CCDC40: variants seen among roughly 807,000 people sequenced by gnomAD.
CCDC40 encodes the protein coiled-coil domain-containing protein 40.
In CCDC40, 104 loss-of-function variants were observed where a neutral mutation model predicts 124.5. That is an observed-to-expected ratio of 0.84 (90% CI 0.71 to 0.98). The LOEUF is 0.98. Ranked by LOEUF, CCDC40 falls within the 50% of genes least tolerant of loss-of-function variation. The pLI is 0.00. For synonymous variants in CCDC40, 580 were observed against 602.9 expected (o/e 0.96, Z 0.56); for missense variants, 1,463 against 1,503.9 (o/e 0.97, Z 0.45).
chr17:80,097,398 C>T lies in CCDC40; in HGVS notation c.3175C>T (p.Arg1059Ter), dbSNP rs1312712049. 5.0e-6 allele frequency: 8 copies of T among 1,613,794 alleles called. No individual in the cohort carries two copies. The highest frequency in any genetic ancestry group is 3.3e-5 in the South Asian group (3 of 91,088). ...CCTCACCCGGCTTGGGGCCCTCAAA[C>T]GACAGGTAAACGTGTCCCAGGAGGT... ...ADLTRLGALK[R>*]QNLSEIVALQ... is the part of the protein sequence containing the mutation. The change falls in exon 19 of 20, where the codon CGA becomes TGA. Residue 1059 changes from arginine to a stop codon, truncating the protein, a stop_gained. Transcript: ENST00000397545. LOFTEE classifies it low-confidence loss of function (END_TRUNC).
intron 10 of CCDC40, chr17:80,067,644 G>A: frequency 6.5e-7 from 1 of 1,536,186 alleles, no homozygotes. Flanking sequence ...CGTCTGTTAT[G>A]GCGGTGCTGC....
Position 80,049,666 on chromosome 17 carries a change from AG to A in CCDC40, c.856-239del, listed in dbSNP as rs2037527982. On this transcript the variant is annotated intron_variant, in intron 5 of 19. Coordinates refer to ENST00000397545, the MANE Select transcript of CCDC40 (RefSeq NM_017950.4). ...CTGCTCCACCCCACCCTCTGGCCCC[AG>A]CTCACCATCATTTTGCCAAAATATG... Among the ~76,000 whole-genome samples the A allele has an allele frequency of 5.9e-5, 9 of 152,120 alleles. No homozygotes were observed. In the South Asian group the frequency reaches 1.9e-3, roughly 32 times the overall value.
At chr17:80,073,066 G>A (rs1483101549) in intron 10 of CCDC40, among the ~76,000 whole-genome samples, 2 of 152,044 alleles carry the variant, frequency 1.3e-5, no homozygotes, top group South Asian at 2.1e-4. Context: ...GCAGTGGGGC[G>A]ATCTTGGCTC....
intron 12 of CCDC40, 41 bp downstream of exon 12, chr17:80,082,099 G>T: frequency 6.3e-7 from 1 of 1,589,808 alleles, no homozygotes; most frequent in Non-Finnish European, 8.6e-7. Flanking sequence ...GAAGCCCCCT[G>T]CAGCCTGGGC....
At position 80,066,957 on chromosome 17, in the gene CCDC40, G is replaced by A. The variant is rs8073108; in HGVS notation, c.1562+1351G>A. The A allele has an allele frequency of 0.11, 16,457 of 152,578 alleles. 2,783 individuals carry two copies. Among genetic ancestry groups the A allele is most frequent in the African/African-American group, 0.37 (15,167 of 41,448 alleles). 9.5% of individuals were successfully genotyped at this position (152,578 alleles called of 1,614,324 possible). ...ACCAGGGTTGCCTGAACACCAGGACGAGAGGACTTGGCCATCTGCCCACTT... is the reference window on the plus strand; with the variant it reads ...ACCAGGGTTGCCTGAACACCAGGACAAGAGGACTTGGCCATCTGCCCACTT... On this transcript the variant is annotated intron_variant, in intron 10 of 19. Transcript: ENST00000397545. This position sits in a 1 kb window ranked among gnomAD's most constrained non-coding sequence, Gnocchi z 4.4.
intron 3 of CCDC40, among the ~76,000 whole-genome samples, chr17:80,041,062 T>C (rs1156510349): frequency 2.0e-5 from 3 of 152,242 alleles, no homozygotes; most frequent in Non-Finnish European, 1.5e-5. Context: ...CAATTTTCTT[T>C]AAACAATCAC....
At chr17:80,054,142 T>G (rs1034661361) in intron 7 of CCDC40, among the ~76,000 whole-genome samples, 1 of 138,970 alleles carries the variant, frequency 7.2e-6, no homozygotes, top group African/African-American at 2.5e-5. Flanking sequence ...TGAATTGACT[T>G]GATAAATAAA....
At chr17:80,038,989 G>A (rs2037202136) in intron 2 of CCDC40, among the ~76,000 whole-genome samples, 1 of 152,190 alleles carries the variant, frequency 6.6e-6, no homozygotes, top group Admixed American at 6.5e-5. Context: ...TGATTAGTCA[G>A]GGATGCAAAG....
chr17:80,097,126 G>GGGAGCCTCCCTGGATGGAGTGTGT lies in CCDC40; in HGVS notation c.3022-115_3022-92dup, dbSNP rs2038824124. The GGGAGCCTCCCTGGATGGAGTGTGT allele has an allele frequency of 4.5e-6, 5 of 1,121,470 alleles. No homozygotes were observed. In the East Asian group the frequency reaches 1.2e-4, roughly 26 times the overall value. The allele number at this position is 1,121,470 out of a possible 1,614,324, so 69.5% of individuals were successfully genotyped here. A position where few individuals can be genotyped will look rare whatever the true frequency, so the allele number is the denominator to read the frequency against. ...CTCTCCAGCCCTCCCATTCCTCTTT[G>GGGAGCCTCCCTGGATGGAGTGTGT]GGAGCCTCCCTGGATGGAGTGTGTG... On this transcript the variant is annotated intron_variant, in intron 18 of 19. Coordinates refer to ENST00000397545, the MANE Select transcript of CCDC40 (RefSeq NM_017950.4).
intron 10 of CCDC40, among the ~76,000 whole-genome samples, chr17:80,080,752 T>C (rs1400764536): frequency 6.6e-6 from 1 of 152,212 alleles, no homozygotes; most frequent in African/African-American, 2.4e-5. Context: ...GGGCTTTCAA[T>C]AGATAATAGT....
At chr17:80,083,035 G>A (rs530075493) in intron 12 of CCDC40, among the ~76,000 whole-genome samples, 27 of 152,292 alleles carry the variant, frequency 1.8e-4, no homozygotes, top group Non-Finnish European at 2.9e-4. Flanking sequence ...CCACCCATCC[G>A]GAGCTGGGGT....
intron 7 of CCDC40, among the ~76,000 whole-genome samples, chr17:80,052,993 G>A (rs111247732): frequency 2.6e-5 from 4 of 152,298 alleles, no homozygotes; most frequent in East Asian, 1.9e-4. Context: ...AAGCCAGTTC[G>A]AGGAACCTTC....
At chr17:80,049,777 C>A in intron 5 of CCDC40, 129 bp from the exon 6 acceptor site, 1 of 754,194 alleles carries the variant, frequency 1.3e-6, no homozygotes, top group Non-Finnish European at 2.4e-6. Context: ...CAAGCAGAAG[C>A]AGGGAGCACT....
At position 80,040,251 on chromosome 17, in the gene CCDC40, G is replaced by T; in HGVS notation, c.533G>T (p.Gly178Val). Residue 178 changes from glycine (G) to valine (V), a missense_variant, in exon 3 of 20, where the codon GGG becomes GTG. Coordinates refer to ENST00000397545, the MANE Select transcript of CCDC40 (RefSeq NM_017950.4). ...PSEQMGQVTS[G>V]PAVGRLTGST... is the part of the protein sequence containing the mutation. The stretch of plus-strand genomic sequence containing the variant: ...GAGCAAATGGGCCAGGTCACCTCTG[G>T]GCCAGCAGTGGGCAGATTGGTGAGT... The T allele has an allele frequency of 1.2e-6, 2 of 1,613,622 alleles. No homozygotes were observed. Among genetic ancestry groups the T allele is most frequent in the Non-Finnish European group, 1.7e-6 (2 of 1,179,946 alleles).
chr17:80,055,918 C>G (rs1417943854), intron 7 of CCDC40, among the ~76,000 whole-genome samples: 2 of 143,778 alleles, frequency 1.4e-5, no homozygotes, highest in Admixed American at 7.1e-5. Flanking sequence ...CTTAAGTGAT[C>G]CTCACACCTC....
chr17:80,039,682 G>C (rs1476907408), intron 2 of CCDC40, 130 bp from the exon 3 acceptor site: 1 of 1,208,442 alleles, frequency 8.3e-7, no homozygotes, highest in African/African-American at 1.5e-5. Flanking sequence ...AGTGAAACAT[G>C]ATCTCTTAGT....
chr17:80,088,143 A>C, intron 16 of CCDC40, 41 bp downstream of exon 16: 46 of 1,368,330 alleles, frequency 3.4e-5, no homozygotes, highest in East Asian at 4.6e-5. Flanking sequence ...CATGAAGGTC[A>C]CTGCACCTAC....
At chr17:80,094,716 G>A (rs1206893810) in intron 17 of CCDC40, among the ~76,000 whole-genome samples, 1 of 152,032 alleles carries the variant, frequency 6.6e-6, no homozygotes, top group South Asian at 2.1e-4. Flanking sequence ...AAAAAGCACA[G>A]TTTGGTGGGT....
In CCDC40 at chr17:80,058,317, T is replaced by C. The variant is rs546406934; in HGVS notation, c.1160-177T>C. Among the ~76,000 whole-genome samples, 28 of 152,320 alleles carry C rather than the reference T, an allele frequency of 1.8e-4. No homozygotes were observed. The highest frequency in any genetic ancestry group is 5.8e-4 in the African/African-American group (24 of 41,592). ...CTCTTCCAAGAGACTGTAAACTCTT[T>C]GCTGACAAAGTCTGTGTCTTGATAG... On this transcript the variant is annotated intron_variant, in intron 7 of 19. Coordinates refer to ENST00000397545, the MANE Select transcript of CCDC40 (RefSeq NM_017950.4). The surrounding 1 kb of genome is among the most constrained non-coding windows in gnomAD (Gnocchi z 4.2).
Sources: allele counts gnomAD v4.1 joint callset (sites outside exome capture counted in the v4.1 genomes callset), GRCh38; gene constraint gnomAD v4.1.1; non-coding constraint Gnocchi (gnomAD v3.1); transcripts MANE v1.5; gene names NCBI Gene and HGNC (gene_info 2026-07-23, HGNC 2026-07-21).